The following SPIRE1 variants were observed in gnomAD, a reference collection of about 807,000 sequenced individuals.
The protein encoded by SPIRE1 is spire type actin nucleation factor 1, also known as protein spire homolog 1.
In SPIRE1, 40 loss-of-function variants were observed where a neutral mutation model predicts 94.1. The ratio of observed to expected loss-of-function variants is 0.43; its 90% CI spans 0.33 to 0.55. SPIRE1 has a LOEUF of 0.55. Ranked by LOEUF, SPIRE1 falls within the 20% of genes least tolerant of loss-of-function variation. The pLI is 0.06. For synonymous variants in SPIRE1, 376 were observed against 371.7 expected (o/e 1.01, Z -0.13); for missense variants, 838 against 975.2 (o/e 0.86, Z 1.87).
chr18:12,658,191 A>C (rs908644641), upstream of SPIRE1: 1 of 729,626 alleles, frequency 1.4e-6, no homozygotes, highest in Non-Finnish European at 2.0e-6. Flanking sequence ...GGGCCGGGGG[A>C]TGCACGCTCT....
At chr18:12,522,542 C>G (rs1014104733) in intron 4 of SPIRE1, among the ~76,000 whole-genome samples, 2 of 152,148 alleles carry the variant, frequency 1.3e-5, no homozygotes, top group African/African-American at 4.8e-5. Context: ...AACATATTTT[C>G]AATGTAGATG....
intron 1 of SPIRE1, among the ~76,000 whole-genome samples, chr18:12,645,200 T>C (rs938669761): frequency 1.3e-5 from 2 of 152,108 alleles, no homozygotes; most frequent in South Asian, 2.1e-4. Flanking sequence ...GCCAAAAGAA[T>C]TGAAACTGCA....
chr18:12,479,011 A>G (rs886801971), intron 10 of SPIRE1, among the ~76,000 whole-genome samples: 4 of 152,084 alleles, frequency 2.6e-5, no homozygotes, highest in Non-Finnish European at 5.9e-5. Context: ...AGAAGAATCT[A>G]TGCAAAATGT....
chr18:12,642,581 T>A (rs1038242893), intron 1 of SPIRE1, among the ~76,000 whole-genome samples: 2 of 152,228 alleles, frequency 1.3e-5, no homozygotes, highest in Non-Finnish European at 2.9e-5. Context: ...ATAAGTTTCA[T>A]CTCTAGTGCC....
intron 2 of SPIRE1, among the ~76,000 whole-genome samples, chr18:12,586,834 G>A (rs2036402004): frequency 1.3e-5 from 2 of 152,158 alleles, no homozygotes; most frequent in Admixed American, 1.3e-4. Flanking sequence ...CTGAGCCCCT[G>A]AAGGAAAATT....
chr18:12,644,619 T>A (rs931444320), intron 1 of SPIRE1, among the ~76,000 whole-genome samples: 3 of 152,226 alleles, frequency 2.0e-5, no homozygotes, highest in Admixed American at 6.5e-5. Context: ...TAACCCTCCA[T>A]AGTCCATTCT....
At chr18:12,640,932 C>T (rs954711516) in intron 1 of SPIRE1, among the ~76,000 whole-genome samples, 2 of 152,076 alleles carry the variant, frequency 1.3e-5, no homozygotes, top group Non-Finnish European at 2.9e-5. Context: ...GTTTCCAGGT[C>T]AGTCTTGCTA....
intron 4 of SPIRE1, among the ~76,000 whole-genome samples, chr18:12,530,245 C>G (rs1469198470): frequency 6.6e-6 from 1 of 152,076 alleles, no homozygotes; most frequent in Admixed American, 6.5e-5. Flanking sequence ...CAACGTAAGA[C>G]TAATAACAAA....
intron 4 of SPIRE1, among the ~76,000 whole-genome samples, chr18:12,514,346 G>A (rs1745225779): frequency 6.6e-6 from 1 of 152,024 alleles, no homozygotes; most frequent in African/African-American, 2.4e-5. Flanking sequence ...TCTAGTTTAT[G>A]TCTTTTTCCA....
chr18:12,557,763 A>G (rs996247493), intron 2 of SPIRE1, among the ~76,000 whole-genome samples: 1 of 151,798 alleles, frequency 6.6e-6, no homozygotes, highest in Non-Finnish European at 1.5e-5. Flanking sequence ...TACTACAACT[A>G]TATTACACTA....
Position 12,469,760 on chromosome 18 carries a change from A to G in SPIRE1, c.1405-4802T>C, listed in dbSNP as rs185411058. On this transcript the variant is annotated intron_variant, in intron 10 of 16. Coordinates refer to ENST00000409402, the MANE Select transcript of SPIRE1 (RefSeq NM_001128626.2). ...TATTATATATAATATAATTATATAT[A>G]TACACATATACACTTTACGAGGTCT... Among the ~76,000 whole-genome samples, 765 of 145,326 alleles carry G rather than the reference A, an allele frequency of 5.3e-3. 5 individuals are homozygous for G. Among genetic ancestry groups the G allele is most frequent in the African/African-American group, 0.018 (722 of 39,858 alleles).
Position 12,657,649 on chromosome 18 carries a change from G to A in SPIRE1, c.218C>T (p.Ala73Val). The change falls in exon 1 of 17, where the codon GCC becomes GTC. Residue 73 changes from alanine (A) to valine (V), a missense_variant. By Grantham distance (64) the Ala-to-Val change is moderately conservative. Around this residue, in one of 2 missense-constraint regions of SPIRE1, gnomAD observed 193 missense variants for 170.5 expected, o/e 1.13. Coordinates refer to ENST00000409402, the MANE Select transcript of SPIRE1 (RefSeq NM_001128626.2). ...ACGGTGGCGGGGCTGGCGGCGGCGG[G>A]CGGCGGCGCGCAGGGAACCGCAGCA... ...YQCCGSLRAA[A>V]RRRQPRHRVR... The A allele has an allele frequency of 7.6e-7, 1 of 1,321,572 alleles. No homozygotes were observed. The highest frequency in any genetic ancestry group is 9.7e-7 in the Non-Finnish European group (1 of 1,034,410). The allele number at this position is 1,321,572 out of a possible 1,614,324, so 81.9% of individuals were successfully genotyped here. A position where few individuals can be genotyped will look rare whatever the true frequency, so the allele number is the denominator to read the frequency against.
chr18:12,658,800 T>G, upstream of SPIRE1: 1 of 314,232 alleles, frequency 3.2e-6, no homozygotes, highest in Non-Finnish European at 6.5e-6. Flanking sequence ...CGGGGATCTT[T>G]ACGGGTTTTC....
At chr18:12,625,354 A>T (rs549167665) in intron 2 of SPIRE1, among the ~76,000 whole-genome samples, 1 of 152,198 alleles carries the variant, frequency 6.6e-6, no homozygotes, top group Non-Finnish European at 1.5e-5. Flanking sequence ...ATTCCTAAAC[A>T]TTCCTCTTAG....
chr18:12,529,482 A>C (rs1421581867), intron 4 of SPIRE1, among the ~76,000 whole-genome samples: 1 of 152,170 alleles, frequency 6.6e-6, no homozygotes, highest in African/African-American at 2.4e-5. Flanking sequence ...TCATACTTGA[A>C]AGGGTCAAGG....
At chr18:12,541,282 T>A (rs965297924) in intron 3 of SPIRE1, among the ~76,000 whole-genome samples, 1 of 152,202 alleles carries the variant, frequency 6.6e-6, no homozygotes. Flanking sequence ...TTTTTAATTG[T>A]TCCATGTATA....
chr18:12,555,843 T>G (rs148167235), intron 2 of SPIRE1, among the ~76,000 whole-genome samples: 9 of 151,986 alleles, frequency 5.9e-5, no homozygotes, highest in African/African-American at 1.9e-4. Flanking sequence ...CAGAAAGAAA[T>G]AAAGGCCATT....
At chr18:12,652,717 T>C (rs1422182720) in intron 1 of SPIRE1, among the ~76,000 whole-genome samples, 1 of 152,222 alleles carries the variant, frequency 6.6e-6, no homozygotes, top group Non-Finnish European at 1.5e-5. Flanking sequence ...GTCTCCAGCC[T>C]CTGACACATT....
At chr18:12,543,045 C>A (rs1237456183) in intron 3 of SPIRE1, among the ~76,000 whole-genome samples, 1 of 152,096 alleles carries the variant, frequency 6.6e-6, no homozygotes, top group Non-Finnish European at 1.5e-5. Flanking sequence ...CCAGGCTGGT[C>A]GTGAACTCCT....
Sources: gnomAD v4.1 joint callset for allele counts (sites outside exome capture counted in the v4.1 genomes callset) on GRCh38, gnomAD v4.1.1 for gene constraint, gnomAD v4.1.1 regional missense constraint, MANE v1.5 for transcripts, NCBI Gene and HGNC (gene_info 2026-07-23, HGNC 2026-07-21) for gene names.